The following ADAMTS17 variants were observed in gnomAD, a reference collection of about 807,000 sequenced individuals.
The protein encoded by ADAMTS17 is A disintegrin and metalloproteinase with thrombospondin motifs 17.
A neutral mutation model predicts 141.5 loss-of-function variants in ADAMTS17; 113 were observed. That is an observed-to-expected ratio of 0.80 (90% confidence interval 0.69 to 0.93). The LOEUF (loss-of-function observed/expected upper bound fraction) is 0.93. Ranked by LOEUF, ADAMTS17 falls within the 40% of genes least tolerant of loss-of-function variation. ADAMTS17 has a pLI of 0.00. For synonymous variants in ADAMTS17, 768 were observed against 630.6 expected (o/e 1.22, Z -3.27); for missense variants, 1,659 against 1,517.9 (o/e 1.09, Z -1.54).
intron 7 of ADAMTS17, among the ~76,000 whole-genome samples, chr15:100,248,075 C>T (rs941550199): frequency 6.6e-6 from 1 of 152,086 alleles, no homozygotes; most frequent in Non-Finnish European, 1.5e-5. Context: ...AGCCGCTGGG[C>T]CCCAGCGCAC....
chr15:100,094,099 A>T (rs1226394750), intron 15 of ADAMTS17, among the ~76,000 whole-genome samples: 2 of 151,944 alleles, frequency 1.3e-5, no homozygotes, highest in Non-Finnish European at 2.9e-5. Flanking sequence ...AAAACAAAAA[A>T]CTGCTGTGTA....
At chr15:100,264,902 C>T (rs562715693) in intron 4 of ADAMTS17, among the ~76,000 whole-genome samples, 1 of 152,020 alleles carries the variant, frequency 6.6e-6, no homozygotes, top group Non-Finnish European at 1.5e-5. Flanking sequence ...CACAGCAATG[C>T]GAACCTAAGA....
chr15:100,164,407 TTCAA>T (rs1434286478), intron 8 of ADAMTS17, among the ~76,000 whole-genome samples: 1 of 117,274 alleles, frequency 8.5e-6, no homozygotes, highest in Non-Finnish European at 1.8e-5. Flanking sequence ...CATTCATTCA[TTCAA>T]CAAGTATTTG....
intron 8 of ADAMTS17, among the ~76,000 whole-genome samples, chr15:100,161,871 C>T (rs981107611): frequency 6.6e-6 from 1 of 152,214 alleles, no homozygotes; most frequent in Non-Finnish European, 1.5e-5. Context: ...GCATCAAAAG[C>T]CTCTCACTGC....
chr15:100,072,050 C>A (rs961550365), intron 15 of ADAMTS17, among the ~76,000 whole-genome samples: 10 of 149,422 alleles, frequency 6.7e-5, no homozygotes, highest in African/African-American at 2.5e-4. Context: ...TAGGCAACTT[C>A]CGCAAAGTCT....
chr15:100,280,161 T>C (rs1203340183), intron 4 of ADAMTS17, among the ~76,000 whole-genome samples: 2 of 152,122 alleles, frequency 1.3e-5, no homozygotes, highest in Non-Finnish European at 2.9e-5. Context: ...CCACCTTGAA[T>C]TCAGCTTGTC....
At chr15:99,975,632 C>T (rs573317180) in intron 21 of ADAMTS17, among the ~76,000 whole-genome samples, 15 of 152,300 alleles carry the variant, frequency 9.8e-5, no homozygotes, top group Non-Finnish European at 1.6e-4. Context: ...CCTCCAACCA[C>T]GCCTGTCTGC....
chr15:100,131,837 G>A (rs1186367848), intron 12 of ADAMTS17, among the ~76,000 whole-genome samples, 170 bp downstream of exon 12: 1 of 152,242 alleles, frequency 6.6e-6, no homozygotes, highest in Non-Finnish European at 1.5e-5. Flanking sequence ...AAGCTGAGAT[G>A]TCATTTGACA....
chr15:100,187,269 C>A (rs1297340124), intron 8 of ADAMTS17, among the ~76,000 whole-genome samples: 1 of 152,236 alleles, frequency 6.6e-6, no homozygotes, highest in Non-Finnish European at 1.5e-5. Flanking sequence ...ATCTTTACAA[C>A]CCTTTGCAAA....
At chr15:100,289,295 GA>G (rs1165383285) in intron 3 of ADAMTS17, among the ~76,000 whole-genome samples, 1 of 152,140 alleles carries the variant, frequency 6.6e-6, no homozygotes, top group African/African-American at 2.4e-5. Context: ...GAATCAGGAA[GA>G]AACTGAATCC....
chr15:100,338,853 A>G, intron 2 of ADAMTS17: 1 of 677,316 alleles, frequency 1.5e-6, no homozygotes, highest in Non-Finnish European at 1.8e-6. Context: ...ACTGAGAACC[A>G]AAGTCAAAGC....
At chr15:100,092,764 AAGGTTCTCGC>A (rs1312064257) in intron 15 of ADAMTS17, among the ~76,000 whole-genome samples, 7 of 152,150 alleles carry the variant, frequency 4.6e-5, no homozygotes, top group Admixed American at 2.6e-4. Context: ...ATTACGTGAA[AAGGTTCTCGC>A]AAGAACACAA....
chr15:100,116,987 G>A lies in ADAMTS17; in HGVS notation c.1748C>T (p.Pro583Leu), dbSNP rs201586136. The change falls in exon 13 of 22, where the codon CCG (proline) becomes CTG (leucine). Residue 583 changes from proline (P) to leucine (L), a missense_variant. Physicochemically the swap from Pro to Leu is moderately conservative, Grantham distance 98. Transcript: ENST00000268070. ...PPPGPGGTHC[P>L]GASVEHAVCE... is the part of the protein sequence containing the mutation. The stretch of plus-strand genomic sequence containing the variant: ...GACCGCATGTTCTACACTGGCACCC[G>A]GGCAGTGTGTGCCTCCAGGCCCAGG... 292 of 1,613,004 alleles carry A rather than the reference G, an allele frequency of 1.8e-4. No homozygotes were observed. In the East Asian group the frequency reaches 5.0e-3, roughly 28 times the overall value.
chr15:100,271,201 T>TACAG (rs1270374234), intron 4 of ADAMTS17, among the ~76,000 whole-genome samples: 2 of 152,248 alleles, frequency 1.3e-5, no homozygotes, highest in Non-Finnish European at 2.9e-5. Flanking sequence ...AATCCTGCTA[T>TACAG]GAACATTGGT....
intron 8 of ADAMTS17, among the ~76,000 whole-genome samples, chr15:100,182,276 G>A (rs1190999380): frequency 6.6e-6 from 1 of 152,158 alleles, no homozygotes; most frequent in African/African-American, 2.4e-5. Flanking sequence ...AGGCGGACGA[G>A]CCCCTTATAA....
rs1596410050 is a variant in ADAMTS17 at position 100,096,465 on chromosome 15, A to G, written c.2028T>C (p.Cys676=). 2 of 1,614,190 alleles carry G rather than the reference A, an allele frequency of 1.2e-6. No individual in the cohort carries two copies. The highest frequency in any genetic ancestry group is 1.3e-5 in the African/African-American group (1 of 75,064). The part of the protein sequence containing the change: ...CVHGKCQKIG[C]DGIIGSAAKE... Reference sequence around the variant, plus strand: ...TGGCTGCAGACCCGATGATGCCGTCACAGCCGATTTTCTAAAGAACCAGAG... The same window carrying G: ...TGGCTGCAGACCCGATGATGCCGTCGCAGCCGATTTTCTAAAGAACCAGAG... The change falls in exon 15 of 22, where the codon TGT becomes TGC. Residue 676 remains cysteine, a synonymous_variant. Transcript: ENST00000268070.
intron 18 of ADAMTS17, among the ~76,000 whole-genome samples, chr15:100,018,652 G>A (rs1438681987): frequency 6.6e-6 from 1 of 152,178 alleles, no homozygotes; most frequent in Non-Finnish European, 1.5e-5. Context: ...TGTACAGCCT[G>A]CAGAATTGTG....
chr15:100,292,584 C>G (rs1015967822), intron 3 of ADAMTS17, among the ~76,000 whole-genome samples: 1 of 152,202 alleles, frequency 6.6e-6, no homozygotes, highest in African/African-American at 2.4e-5. Flanking sequence ...ATGAGAGACA[C>G]TAACCCCGTG....
intron 18 of ADAMTS17, among the ~76,000 whole-genome samples, chr15:100,016,137 C>A (rs540595430): frequency 6.6e-6 from 1 of 152,308 alleles, no homozygotes; most frequent in African/African-American, 2.4e-5. Flanking sequence ...CTTTCTTCTA[C>A]TAGTTCAATC....
Sources: allele counts gnomAD v4.1 joint callset (sites outside exome capture counted in the v4.1 genomes callset), GRCh38; gene constraint gnomAD v4.1.1; transcripts MANE v1.5; gene names NCBI Gene and HGNC (gene_info 2026-07-23, HGNC 2026-07-21).